TRMT10A: variants seen among roughly 807,000 people sequenced by gnomAD.
TRMT10A encodes tRNA methyltransferase 10 homolog A.
Under a neutral mutation model 40.4 loss-of-function variants are expected in TRMT10A, and 37 were observed. The observed-to-expected ratio is 0.92, with a 90% CI of 0.71 to 1.21. The LOEUF (loss-of-function observed/expected upper bound fraction) is 1.21, where lower values mean the gene tolerates loss of function less well. Ranked by LOEUF, TRMT10A falls within the 50% of genes most tolerant of loss-of-function variation. The pLI is 0.00. For synonymous variants in TRMT10A, 103 were observed against 134.1 expected (o/e 0.77, Z 1.60); for missense variants, 388 against 404.3 (o/e 0.96, Z 0.35).
chr4:99,550,082 C>T (rs1207263359), intron 7 of TRMT10A, among the ~76,000 whole-genome samples: 1 of 141,326 alleles, frequency 7.1e-6, no homozygotes, highest in Admixed American at 7.0e-5. Flanking sequence ...ATGTCTATTT[C>T]AATGTTATTT....
chr4:99,550,847 C>T (rs13129571), intron 7 of TRMT10A, 38 bp downstream of exon 7: 57,507 of 1,400,650 alleles, frequency 0.041, 1,465 homozygotes, highest in African/African-American at 0.1. Context: ...TCACAATGTT[C>T]GCTCAGGTAT....
chr4:99,549,016 C>A lies in TRMT10A; in HGVS notation c.*72G>T. ...AATAAGAGAAAATAAAATGTTCTTC[C>A]AATTTCAATATTCTATATAGCACCT... On this transcript the variant is annotated 3_prime_UTR_variant, in exon 8 of 8. Transcript: ENST00000394876. 1 of 1,394,066 alleles carries A rather than the reference C, an allele frequency of 7.2e-7. No homozygotes were observed. Among genetic ancestry groups the A allele is most frequent in the Non-Finnish European group, 9.5e-7 (1 of 1,052,534 alleles). The allele number at this position is 1,394,066 out of a possible 1,614,324, so 86.4% of individuals were successfully genotyped here.
intron 2 of TRMT10A, 130 bp downstream of exon 2, chr4:99,559,024 C>T (rs971026732): frequency 2.0e-4 from 205 of 1,020,714 alleles, no homozygotes; most frequent in Non-Finnish European, 2.7e-4. Context: ...TTTTTCTTTA[C>T]GCTTTTGTCT....
At chr4:99,556,536 C>T (rs1490082362) in intron 4 of TRMT10A, among the ~76,000 whole-genome samples, 1 of 144,644 alleles carries the variant, frequency 6.9e-6, no homozygotes, top group Non-Finnish European at 1.5e-5. Flanking sequence ...GTTCCCACTC[C>T]TCTTTTTTTT....
chr4:99,556,116 ATTATG>A, intron 5 of TRMT10A, 25 bp downstream of exon 5: 1 of 1,593,590 alleles, frequency 6.3e-7, no homozygotes, highest in African/African-American at 1.3e-5. Context: ...AATACTTGGA[ATTATG>A]TGAGAGTTTA....
intron 1 of TRMT10A, chr4:99,563,475 C>G (rs1724541999): frequency 5.4e-6 from 1 of 185,030 alleles, no homozygotes; most frequent in Non-Finnish European, 1.2e-5. Context: ...AGCCCACGGT[C>G]TCTAGCCACG....
chr4:99,557,261 C>A, intron 4 of TRMT10A, 84 bp downstream of exon 4: 1 of 1,376,922 alleles, frequency 7.3e-7, no homozygotes, highest in Non-Finnish European at 9.9e-7. Flanking sequence ...AAGACTACTG[C>A]AAAGACTATA....
At chr4:99,563,784 C>G (rs1344167703) in intron 1 of TRMT10A, 129 bp downstream of exon 1, 1 of 538,210 alleles carries the variant, frequency 1.9e-6, no homozygotes, top group Non-Finnish European at 3.5e-6. Context: ...CAGGAAACCA[C>G]TTCCACACCA....
chr4:99,560,082 T>C (rs1724328289), intron 1 of TRMT10A, among the ~76,000 whole-genome samples: 1 of 152,088 alleles, frequency 6.6e-6, no homozygotes, highest in South Asian at 2.1e-4. Context: ...TCTTTTTTAA[T>C]GCTGTAGAAT....
At chr4:99,562,520 T>C (rs1427065210) in intron 1 of TRMT10A, among the ~76,000 whole-genome samples, 3 of 110,370 alleles carry the variant, frequency 2.7e-5, no homozygotes, top group African/African-American at 8.2e-5. Flanking sequence ...AATGCCTTTT[T>C]TTTTTTTTTT....
chr4:99,557,588 T>C (rs1221202967), intron 3 of TRMT10A, 172 bp from the exon 4 acceptor site: 8 of 546,948 alleles, frequency 1.5e-5, no homozygotes, highest in East Asian at 6.4e-5. Context: ...ACTAGCAAAA[T>C]TACTGTAAGT....
At chr4:99,549,408 T>TG in intron 7 of TRMT10A, 52 bp from the exon 8 acceptor site, 1 of 1,588,074 alleles carries the variant, frequency 6.3e-7, no homozygotes, top group Non-Finnish European at 8.6e-7. Context: ...ATCACAATGC[T>TG]GCACAATGTC....
At chr4:99,561,070 G>T (rs1247513251) in intron 1 of TRMT10A, among the ~76,000 whole-genome samples, 1 of 151,714 alleles carries the variant, frequency 6.6e-6, no homozygotes, top group African/African-American at 2.4e-5. Context: ...AGGTTCAGGC[G>T]ATTCTACTGC....
rs576484676 is a variant in TRMT10A at position 99,550,851 on chromosome 4, C to T, written c.751+34G>A. 4.2e-5 allele frequency: 60 copies of T among 1,428,294 alleles called. 2 individuals carry two copies. The Middle Eastern group carries it at 5.7e-3, about 135-fold the overall frequency. The allele number at this position is 1,428,294 out of a possible 1,614,324, so 88.5% of individuals were successfully genotyped here. ...AATATTCTTTCTCACAATGTTCGCT[C>T]AGGTATATTTTCAGTTTATCCCTTA... On this transcript the variant is annotated intron_variant, in intron 7 of 7. Transcript: ENST00000394876.
At chr4:99,552,310 C>T (rs1437498406) in intron 6 of TRMT10A, among the ~76,000 whole-genome samples, 2 of 152,082 alleles carry the variant, frequency 1.3e-5, no homozygotes, top group Non-Finnish European at 2.9e-5. Flanking sequence ...ATGTATACCA[C>T]GTATACCTGT....
rs933635910 is a variant in TRMT10A at position 99,548,242 on chromosome 4, T to C, written c.*846A>G. On this transcript the variant is annotated 3_prime_UTR_variant, in exon 8 of 8. Transcript: ENST00000394876. ...ATATTCTTAGAGAAGAGGAGGCAGA[T>C]GCACCTATAAACTTTATTCATCTTA... 1 of 151,872 alleles carries C rather than the reference T, an allele frequency of 6.6e-6. No homozygotes were observed. Among genetic ancestry groups the C allele is most frequent in the African/African-American group, 2.4e-5 (1 of 41,370 alleles). The allele number at this position is 151,872 out of a possible 1,614,324, so 9.4% of individuals were successfully genotyped here.
At chr4:99,550,737 T>A (rs1332569817) in intron 7 of TRMT10A, 148 bp downstream of exon 7, 2 of 628,852 alleles carry the variant, frequency 3.2e-6, no homozygotes, top group Non-Finnish European at 5.3e-6. Flanking sequence ...ATACACATTA[T>A]TTCTGTTAAA....
At position 99,563,777 on chromosome 4, in the gene TRMT10A, G is replaced by A. The variant is rs148625344; in HGVS notation, c.-24+136C>T. ...ATTTCCTTCAGCAAGAGCGCCGCAGGAAACCACTTCCACACCACTGCTCCC... is the reference window on the plus strand; with the variant it reads ...ATTTCCTTCAGCAAGAGCGCCGCAGAAAACCACTTCCACACCACTGCTCCC... On this transcript the variant is annotated intron_variant, in intron 1 of 7. Coordinates refer to ENST00000394876, the MANE Select transcript of TRMT10A (RefSeq NM_001134665.3). 1.4e-3 allele frequency: 726 copies of A among 505,904 alleles called. 6 individuals carry two copies. Among genetic ancestry groups the A allele is most frequent in the African/African-American group, 0.012 (634 of 52,006 alleles). The allele number at this position is 505,904 out of a possible 1,614,324, so 31.3% of individuals were successfully genotyped here.
intron 1 of TRMT10A, chr4:99,563,577 G>A (rs929320438): frequency 1.6e-5 from 4 of 252,108 alleles, no homozygotes; most frequent in African/African-American, 6.8e-5. Context: ...ACTACGGGCC[G>A]ATGGCAACCC....
Sources: gnomAD v4.1 joint callset for allele counts (sites outside exome capture counted in the v4.1 genomes callset) on GRCh38, gnomAD v4.1.1 for gene constraint, MANE v1.5 for transcripts, NCBI Gene and HGNC (gene_info 2026-07-23, HGNC 2026-07-21) for gene names.